Variants in STK26 observed in about 807,000 individuals in gnomAD.
The protein encoded by STK26 is serine/threonine kinase 26.
In STK26, 14 loss-of-function variants were observed where a neutral mutation model predicts 34.7. That is an observed-to-expected ratio of 0.40 (90% CI 0.27 to 0.63). The LOEUF is 0.63. Among genes scored for constraint, STK26 ranks in the 30% least tolerant of loss-of-function variants. The pLI is 0.38. For synonymous variants in STK26, 100 were observed against 109.8 expected (o/e 0.91, Z 0.56); for missense variants, 226 against 309.1 (o/e 0.73, Z 2.02).
intron 2 of STK26, among the ~76,000 whole-genome samples, chrX:132,046,177 T>C (rs1458678398): frequency 8.9e-6 from 1 of 112,079 alleles, no homozygotes; most frequent in Admixed American, 9.5e-5. Context: ...AGAACAGCAT[T>C]CTTCACATCC....
At chrX:132,024,319 G>A (rs751824226) in intron 2 of STK26, among the ~76,000 whole-genome samples, 10 of 111,477 alleles carry the variant, frequency 9.0e-5, no homozygotes, top group Non-Finnish European at 1.9e-4. Context: ...CAAGATGACT[G>A]TTACATGTGG....
At position 132,073,022 on chromosome X, in the gene STK26, T is replaced by C. The variant is rs924932425; in HGVS notation, c.1155T>C (p.Ile385=). ...CGATTGAAGAACTCGAGAAAAGTATTGCTGTGGCTGAAGCCGCCTGTCCCG... is the reference window on the plus strand; with the variant it reads ...CGATTGAAGAACTCGAGAAAAGTATCGCTGTGGCTGAAGCCGCCTGTCCCG... ...NQAIEELEKS[I]AVAEAACPGI... The change falls in exon 11 of 12, where the codon ATT becomes ATC. Residue 385 remains isoleucine (I), a synonymous_variant. Transcript: ENST00000394334. The C allele has an allele frequency of 4.5e-5, 54 of 1,209,180 alleles. No homozygotes were observed. The highest frequency in any genetic ancestry group is 5.8e-5 in the Non-Finnish European group (52 of 894,322).
intron 2 of STK26, among the ~76,000 whole-genome samples, chrX:132,053,161 T>C: frequency 8.9e-6 from 1 of 112,103 alleles, no homozygotes; most frequent in Admixed American, 9.5e-5. Context: ...TAAAAGCCCA[T>C]ATGGAAAGCT....
At chrX:132,067,591 T>C (rs2044398278) in intron 4 of STK26, among the ~76,000 whole-genome samples, 1 of 112,103 alleles carries the variant, frequency 8.9e-6, no homozygotes, top group Non-Finnish European at 1.9e-5. Flanking sequence ...GTTACATTTA[T>C]TTGAAAAACA....
At chrX:132,055,345 C>A (rs923165612) in intron 3 of STK26, 48 of 712,224 alleles carry the variant, frequency 6.7e-5, no homozygotes, top group Admixed American at 1.1e-4. Context: ...CATTCCTTAG[C>A]ACAGGGTATG....
At chrX:132,045,656 A>G (rs1246457761) in intron 2 of STK26, among the ~76,000 whole-genome samples, 1 of 112,014 alleles carries the variant, frequency 8.9e-6, no homozygotes, top group Non-Finnish European at 1.9e-5. Flanking sequence ...AATTAGCTAA[A>G]TGATGCAATG....
At position 132,023,603 on chromosome X, in the gene STK26, G is replaced by T; in HGVS notation, c.-15G>T. The T allele has an allele frequency of 8.5e-7, 1 of 1,171,490 alleles. No individual in the cohort carries two copies. Among genetic ancestry groups the T allele is most frequent in the Non-Finnish European group, 1.1e-6 (1 of 875,071 alleles). The stretch of plus-strand genomic sequence containing the variant: ...GCCACCGCCGCAGAAGCGGAGCGAG[G>T]CAGCATTCGCCTCCATGGCCCACTC... On this transcript the variant is annotated 5_prime_UTR_variant, in exon 2 of 12. Transcript: ENST00000394334.
rs1343518636 is a variant in STK26 at position 132,074,332 on chromosome X, T to G, written c.*173T>G. On this transcript the variant is annotated 3_prime_UTR_variant, in exon 12 of 12. Coordinates refer to ENST00000394334, the MANE Select transcript of STK26 (RefSeq NM_016542.4). ...GTGATGGCGTTTATCATTTTATATT[T>G]TGAAAGGATTATTTTGTAAGGAATA... 2.4e-6 allele frequency: 1 copy of G among 410,657 alleles called. No individual in the cohort carries two copies. The highest frequency in any genetic ancestry group is 4.1e-6 in the Non-Finnish European group (1 of 244,268). The allele number at this position is 410,657 out of a possible 1,213,427, so 33.8% of individuals were successfully genotyped here.
Position 132,074,161 on chromosome X carries a change from A to C in STK26, c.*2A>C. The C allele has an allele frequency of 1.7e-6, 2 of 1,204,942 alleles. No individual in the cohort carries two copies. The highest frequency in any genetic ancestry group is 3.6e-5 in the South Asian group (2 of 55,729). ...TGTTCAGCAGACGAATCCCCCTAAG[A>C]AACTTATTATTGGCTTCTGTTTCAT... On this transcript the variant is annotated 3_prime_UTR_variant, in exon 12 of 12. Transcript: ENST00000394334.
At chrX:132,065,779 TA>T (rs1285367886) in intron 4 of STK26, among the ~76,000 whole-genome samples, 1 of 112,440 alleles carries the variant, frequency 8.9e-6, no homozygotes, top group East Asian at 2.8e-4. Context: ...ATTCACATGT[TA>T]AATGAAGAAA....
intron 2 of STK26, among the ~76,000 whole-genome samples, chrX:132,044,657 C>G (rs868368476): frequency 1.3e-5 from 1 of 78,256 alleles, no homozygotes; most frequent in Non-Finnish European, 2.5e-5. Context: ...CTCTCTCTCT[C>G]TCTCTCTCGA....
At chrX:132,028,031 G>GT (rs546393727) in intron 2 of STK26, among the ~76,000 whole-genome samples, 16,604 of 78,171 alleles carry the variant, frequency 0.21, 2,019 homozygotes, top group African/African-American at 0.36. Context: ...AATTTTTATG[G>GT]TTTTTTTTTT....
chrX:132,049,479 G>A (rs1471172540), intron 2 of STK26, among the ~76,000 whole-genome samples: 4 of 111,930 alleles, frequency 3.6e-5, no homozygotes, highest in Non-Finnish European at 7.5e-5. Flanking sequence ...TTAGATGACA[G>A]GAAACTGTAT....
chrX:132,035,238 T>C (rs1403822116), intron 2 of STK26, among the ~76,000 whole-genome samples: 2 of 111,260 alleles, frequency 1.8e-5, no homozygotes, highest in Non-Finnish European at 3.8e-5. Context: ...TCCAAGAAGC[T>C]GAACTCAATT....
chrX:132,048,867 G>T (rs1926589400), intron 2 of STK26, among the ~76,000 whole-genome samples: 1 of 112,289 alleles, frequency 8.9e-6, no homozygotes, highest in African/African-American at 3.2e-5. Context: ...GCAGCCAATT[G>T]TATATGGATT....
chrX:132,034,585 C>T (rs905078518), intron 2 of STK26, among the ~76,000 whole-genome samples: 1 of 111,317 alleles, frequency 9.0e-6, no homozygotes, highest in African/African-American at 3.3e-5. Flanking sequence ...TGAGCCACCG[C>T]GCCCGGCCAG....
At chrX:132,044,688 T>TATATAGAGAG (rs754725330) in intron 2 of STK26, among the ~76,000 whole-genome samples, 3 of 43,401 alleles carry the variant, frequency 6.9e-5, no homozygotes, top group African/African-American at 3.5e-4. Context: ...TATATATATA[T>TATATAGAGAG]AGAGAGAGAG....
Position 132,055,486 on chromosome X carries a change from C to T in STK26, c.273+625C>T, listed in dbSNP as rs1288016141. 4.3e-5 allele frequency: 50 copies of T among 1,153,218 alleles called. No individual in the cohort carries two copies. In the Admixed American group the frequency reaches 6.5e-4, roughly 15 times the overall value. ...TGGGATTAGCAGACACCTGAAGTTCCAGCAGATGGAGGTGTTACTACATAG... is the reference window on the plus strand; with the variant it reads ...TGGGATTAGCAGACACCTGAAGTTCTAGCAGATGGAGGTGTTACTACATAG... On this transcript the variant is annotated intron_variant, in intron 3 of 11. Coordinates refer to ENST00000394334, the MANE Select transcript of STK26 (RefSeq NM_016542.4).
chrX:132,054,514 GT>G, intron 2 of STK26, 116 bp from the exon 3 acceptor site: 2 of 629,188 alleles, frequency 3.2e-6, no homozygotes, highest in African/African-American at 2.2e-5. Context: ...AGTCAGAGGA[GT>G]TTGTATGCTT....
Sources: gnomAD v4.1 joint callset for allele counts (sites outside exome capture counted in the v4.1 genomes callset) on GRCh38, gnomAD v4.1.1 for gene constraint, MANE v1.5 for transcripts, NCBI Gene and HGNC (gene_info 2026-07-23, HGNC 2026-07-21) for gene names.